The following TANK variants were observed in gnomAD, a reference collection of about 807,000 sequenced individuals.
The protein encoded by TANK is TRAF family member associated NFKB activator, also known as TRAF family member-associated NF-kappa-B activator.
In TANK, 15 loss-of-function variants were observed where a neutral mutation model predicts 43.6. That is an observed-to-expected ratio of 0.34 (90% CI 0.23 to 0.53). The LOEUF (loss-of-function observed/expected upper bound fraction) is 0.53, where lower values mean the gene tolerates loss of function less well. TANK is among the 20% of genes least tolerant of loss of function. The pLI is 0.94. For missense variants in TANK, 417 were observed against 498.6 expected (o/e 0.84, Z 1.56); for synonymous variants, 162 against 178.2 (o/e 0.91, Z 0.73).
intron 4 of TANK, chr2:161,208,107 ATTTGT>A (rs1358976708): frequency 1.2e-5 from 12 of 962,888 alleles, no homozygotes; most frequent in Non-Finnish European, 1.4e-5. Flanking sequence ...TCTTTAGACA[ATTTGT>A]TTTGTTTAGG....
intron 2 of TANK, among the ~76,000 whole-genome samples, chr2:161,190,257 C>T (rs1427692420): frequency 6.6e-6 from 1 of 152,126 alleles, no homozygotes; most frequent in Non-Finnish European, 1.5e-5. Context: ...CAGTGAGATG[C>T]TACTTCACAC....
At chr2:161,197,645 C>T (rs112309304) in intron 2 of TANK, 8 of 154,972 alleles carry the variant, frequency 5.2e-5, no homozygotes, top group African/African-American at 1.4e-4. Context: ...TCCAAGATGG[C>T]ACCTCATTGC....
intron 6 of TANK, chr2:161,227,261 T>G (rs949327708): frequency 6.6e-6 from 1 of 152,210 alleles, no homozygotes; most frequent in Admixed American, 6.5e-5. Flanking sequence ...TGAAAGAAAA[T>G]ATCTGTTTTT....
At chr2:161,145,666 T>G (rs1321150897) in intron 1 of TANK, among the ~76,000 whole-genome samples, 1 of 151,976 alleles carries the variant, frequency 6.6e-6, no homozygotes, top group Non-Finnish European at 1.5e-5. Context: ...CTCTTCTGGC[T>G]TGTAGAGTTT....
At chr2:161,209,652 G>A (rs1686793608) in intron 4 of TANK, among the ~76,000 whole-genome samples, 2 of 151,942 alleles carry the variant, frequency 1.3e-5, no homozygotes, top group African/African-American at 4.8e-5. Flanking sequence ...TTGTTCCTGT[G>A]GAGAATTATA....
chr2:161,209,309 A>G (rs748383900), intron 4 of TANK, among the ~76,000 whole-genome samples: 1 of 152,220 alleles, frequency 6.6e-6, no homozygotes, highest in Non-Finnish European at 1.5e-5. Flanking sequence ...GCACACAATT[A>G]TTCTTGACAA....
intron 1 of TANK, among the ~76,000 whole-genome samples, chr2:161,145,702 G>C (rs1052455635): frequency 1.3e-5 from 2 of 151,934 alleles, no homozygotes; most frequent in Non-Finnish European, 2.9e-5. Flanking sequence ...CTGTTAGTCT[G>C]ATGGGCTTCC....
At chr2:161,154,691 TG>T (rs1208591759) in intron 1 of TANK, among the ~76,000 whole-genome samples, 1 of 152,178 alleles carries the variant, frequency 6.6e-6, no homozygotes, top group Non-Finnish European at 1.5e-5. Context: ...ATCTTTATTA[TG>T]TGGACAATGT....
At chr2:161,182,344 C>A (rs1402229803) in intron 2 of TANK, among the ~76,000 whole-genome samples, 3 of 152,090 alleles carry the variant, frequency 2.0e-5, no homozygotes, top group African/African-American at 7.2e-5. Context: ...CTCCCCTCCC[C>A]AAGTTGCAAG....
At chr2:161,225,900 C>T (rs926291138) in intron 6 of TANK, among the ~76,000 whole-genome samples, 5 of 152,104 alleles carry the variant, frequency 3.3e-5, no homozygotes, top group African/African-American at 9.7e-5. Context: ...TCTTTGTAGA[C>T]AGACATAATT....
chr2:161,217,507 G>A (rs893462183), intron 4 of TANK, among the ~76,000 whole-genome samples: 1 of 151,606 alleles, frequency 6.6e-6, no homozygotes, highest in African/African-American at 2.4e-5. Context: ...TGCACTCTAA[G>A]CCAATTACTT....
intron 4 of TANK, chr2:161,212,493 TTG>T: frequency 1.0e-6 from 1 of 985,384 alleles, no homozygotes; most frequent in African/African-American, 1.7e-5. Context: ...TGCTCTGGGT[TTG>T]TGTTTTTGAA....
intron 6 of TANK, among the ~76,000 whole-genome samples, chr2:161,225,214 ATGTTTTT>A (rs1687552085): frequency 6.6e-6 from 1 of 152,054 alleles, no homozygotes; most frequent in Non-Finnish European, 1.5e-5. Context: ...CTATGGATAG[ATGTTTTT>A]TTAATGTTCT....
intron 6 of TANK, 143 bp downstream of exon 6, chr2:161,224,889 A>G (rs1687533668): frequency 3.8e-6 from 2 of 525,732 alleles, no homozygotes; most frequent in East Asian, 3.1e-5. Flanking sequence ...GAATGTGTAC[A>G]TGCTGTGTAA....
intron 5 of TANK, among the ~76,000 whole-genome samples, chr2:161,224,217 A>G (rs1317101663): frequency 2.0e-5 from 3 of 152,040 alleles, no homozygotes; most frequent in Non-Finnish European, 4.4e-5. Context: ...TACTATTTCA[A>G]TAGACCAAGT....
chr2:161,174,556 A>G (rs958795825), intron 1 of TANK, among the ~76,000 whole-genome samples: 2 of 152,216 alleles, frequency 1.3e-5, no homozygotes, highest in African/African-American at 4.8e-5. Flanking sequence ...AAAATAAGTC[A>G]CCATATTTGC....
At chr2:161,212,914 C>T (rs1181993132) in intron 4 of TANK, 1 of 473,212 alleles carries the variant, frequency 2.1e-6, no homozygotes, top group East Asian at 1.6e-4. Flanking sequence ...ATTTTGATAT[C>T]TGTAAAAGTT....
At chr2:161,147,134 G>C (rs1243975182) in intron 1 of TANK, among the ~76,000 whole-genome samples, 1 of 152,140 alleles carries the variant, frequency 6.6e-6, no homozygotes, top group African/African-American at 2.4e-5. Context: ...TGGGGTGGGG[G>C]TGTGGGAGTT....
At chr2:161,196,035 A>G (rs888494590) in intron 2 of TANK, among the ~76,000 whole-genome samples, 3 of 152,300 alleles carry the variant, frequency 2.0e-5, no homozygotes, top group African/African-American at 7.2e-5. Flanking sequence ...CAGTGAGCCT[A>G]GATCACGCTG....
Sources: allele counts gnomAD v4.1 joint callset (sites outside exome capture counted in the v4.1 genomes callset), GRCh38; gene constraint gnomAD v4.1.1; transcripts MANE v1.5; gene names NCBI Gene and HGNC (gene_info 2026-07-23, HGNC 2026-07-21).